The following HS6ST2 variants were observed in gnomAD, a reference collection of about 807,000 sequenced individuals.
HS6ST2 encodes heparan sulfate 6-O-sulfotransferase 2, also known as heparan-sulfate 6-O-sulfotransferase 2.
A neutral mutation model predicts 33.0 loss-of-function variants in HS6ST2; 17 were observed. The ratio of observed to expected loss-of-function variants is 0.52; its 90% CI spans 0.35 to 0.77. The LOEUF is 0.77. Among genes scored for constraint, HS6ST2 ranks in the 30% least tolerant of loss-of-function variants. The pLI is 0.01. For missense variants in HS6ST2, 519 were observed against 551.7 expected (o/e 0.94, Z 0.59); for synonymous variants, 248 against 237.1 (o/e 1.05, Z -0.42).
chrX:132,960,643 A>C (rs952131011), upstream of HS6ST2, among the ~76,000 whole-genome samples: 5 of 111,376 alleles, frequency 4.5e-5, no homozygotes, highest in Non-Finnish European at 9.4e-5. Context: ...ACACACTCAC[A>C]GTCCAACCTT....
At chrX:132,892,679 C>T (rs759280901) in intron 2 of HS6ST2, among the ~76,000 whole-genome samples, 1 of 111,355 alleles carries the variant, frequency 9.0e-6, no homozygotes, top group East Asian at 2.8e-4. Context: ...ATTAGTTGGG[C>T]GTGGGTGTGC....
chrX:132,739,286 T>C (rs912109010), intron 2 of HS6ST2, among the ~76,000 whole-genome samples: 1 of 111,261 alleles, frequency 9.0e-6, no homozygotes, highest in Non-Finnish European at 1.9e-5. Context: ...GGGATTTCAG[T>C]GGCATTGGTG....
At chrX:132,762,524 C>G (rs752274266) in intron 2 of HS6ST2, among the ~76,000 whole-genome samples, 2 of 112,069 alleles carry the variant, frequency 1.8e-5, no homozygotes, top group South Asian at 7.5e-4. Context: ...TTTACAATAA[C>G]CCTACATATC....
rs147243721 is a variant in HS6ST2, at chrX:132,732,150, G to A, written c.948-23656C>T. Among the ~76,000 whole-genome samples, 982 of 111,960 alleles carry A rather than the reference G, an allele frequency of 8.8e-3. 9 individuals are homozygous for A. The highest frequency in any genetic ancestry group is 0.03 in the African/African-American group (911 of 30,823). The stretch of plus-strand genomic sequence containing the variant: ...GTATAATTAAATATAGATGCTCTTG[G>A]AGCTTAATGTCAGTTTAAATTTTAG... On this transcript the variant is annotated intron_variant, in intron 2 of 4. Coordinates refer to ENST00000370833, the MANE Select transcript of HS6ST2 (RefSeq NM_001394073.1).
In HS6ST2 at chrX:132,911,213, T is replaced by C. The variant is rs141881652; in HGVS notation, c.947+45595A>G. 2.9e-3 allele frequency among the ~76,000 whole-genome samples: 321 copies of C among 109,740 alleles called. 2 individuals are homozygous for C. Among genetic ancestry groups the C allele is most frequent in the African/African-American group, 0.01 (301 of 30,043 alleles). On this transcript the variant is annotated intron_variant, in intron 2 of 4. Transcript: ENST00000370833. The stretch of plus-strand genomic sequence containing the variant: ...GTATTTTACCAGTAGCCTGGTCTCA[T>C]GGGCACATAAAAGACCATTCCTAAC...
At chrX:132,708,716 G>C (rs2064206547) in intron 2 of HS6ST2, 2 of 326,228 alleles carry the variant, frequency 6.1e-6, no homozygotes, top group African/African-American at 5.4e-5. Context: ...GCTGCACTGA[G>C]AGCCAGATCC....
chrX:132,912,844 C>A (rs1471245852), intron 2 of HS6ST2, among the ~76,000 whole-genome samples: 1 of 111,836 alleles, frequency 8.9e-6, no homozygotes, highest in Non-Finnish European at 1.9e-5. Flanking sequence ...CTAGATAAAT[C>A]CATGGACAAA....
At chrX:132,719,883 C>T (rs1165758761) in intron 2 of HS6ST2, among the ~76,000 whole-genome samples, 2 of 112,418 alleles carry the variant, frequency 1.8e-5, no homozygotes, top group Admixed American at 9.4e-5. Context: ...TTGTCAACTC[C>T]TTCGTAACCA....
intron 2 of HS6ST2, among the ~76,000 whole-genome samples, chrX:132,815,723 G>C (rs189123961): frequency 9.0e-6 from 1 of 111,618 alleles, no homozygotes; most frequent in East Asian, 2.8e-4. Context: ...ACGATGCTAT[G>C]ATAAGTACGC....
chrX:132,948,723 G>C (rs903685994), intron 2 of HS6ST2, among the ~76,000 whole-genome samples: 1 of 112,266 alleles, frequency 8.9e-6, no homozygotes, highest in African/African-American at 3.2e-5. Context: ...ATTTATCTAA[G>C]CTTACAAGGA....
chrX:132,699,138 C>A (rs1291955219), intron 3 of HS6ST2, among the ~76,000 whole-genome samples: 1 of 111,160 alleles, frequency 9.0e-6, no homozygotes, highest in Non-Finnish European at 1.9e-5. Context: ...GTACCCATTG[C>A]CAAGACATAA....
chrX:132,750,244 T>C (rs149628955), intron 2 of HS6ST2, among the ~76,000 whole-genome samples: 2,862 of 108,124 alleles, frequency 0.026, 64 homozygotes, highest in South Asian at 0.083. Context: ...CAGTGCCTGG[T>C]ACAACACCAT....
chrX:132,816,897 C>T (rs889089302), intron 2 of HS6ST2, among the ~76,000 whole-genome samples: 3 of 111,209 alleles, frequency 2.7e-5, no homozygotes, highest in African/African-American at 9.8e-5. Context: ...GGACTCAGGG[C>T]TCTAATTGGC....
In HS6ST2 at chrX:132,628,434, C is replaced by T; in HGVS notation, c.1727G>A (p.Gly576Asp). ...LQTHFQSQGQGQSQNPNQNQS... is the reference protein window; with the variant it reads ...LQTHFQSQGQDQSQNPNQNQS... Reference sequence around the variant, plus strand: ...ATTCTGATTCGGATTCTGGCTCTGGCCCTGACCCTGGCTCTGGAAATGGGT... The same window carrying T: ...ATTCTGATTCGGATTCTGGCTCTGGTCCTGACCCTGGCTCTGGAAATGGGT... Residue 576 changes from glycine (G) to aspartate (D), a missense_variant, in exon 5 of 5, where the codon GGC becomes GAC. Gly to Asp is a moderately conservative substitution (Grantham distance 94). Coordinates refer to ENST00000370833, the MANE Select transcript of HS6ST2 (RefSeq NM_001394073.1). The T allele has an allele frequency of 8.3e-7, 1 of 1,208,747 alleles. No homozygotes were observed. Among genetic ancestry groups the T allele is most frequent in the Non-Finnish European group, 1.1e-6 (1 of 893,485 alleles).
chrX:132,751,032 T>C (rs1475373600), intron 2 of HS6ST2, among the ~76,000 whole-genome samples: 1 of 112,184 alleles, frequency 8.9e-6, no homozygotes, highest in Non-Finnish European at 1.9e-5. Context: ...AGGCAAATCA[T>C]AGACACATGT....
chrX:132,947,203 TTA>T (rs1030853365), intron 2 of HS6ST2, among the ~76,000 whole-genome samples: 178 of 109,343 alleles, frequency 1.6e-3, no homozygotes, highest in African/African-American at 4.1e-3. Context: ...GGTGCAGATT[TTA>T]TATATATATA....
At chrX:132,673,537 T>C (rs1254053091) in intron 3 of HS6ST2, among the ~76,000 whole-genome samples, 1 of 112,607 alleles carries the variant, frequency 8.9e-6, no homozygotes, top group Non-Finnish European at 1.9e-5. Context: ...GTTGCATTTG[T>C]ATAGTCCTTA....
At position 132,857,530 on chromosome X, in the gene HS6ST2, A is replaced by AT. The variant is rs201246499; in HGVS notation, c.947+99277dup. ...AGAAAAGAAAAAGTACATCCTTGTTATTTTCCTTACAGTACTGGATATTAG... is the reference window on the plus strand; with the variant it reads ...AGAAAAGAAAAAGTACATCCTTGTTATTTTTCCTTACAGTACTGGATATTAG... On this transcript the variant is annotated intron_variant, in intron 2 of 4. Transcript: ENST00000370833. Among the ~76,000 whole-genome samples the AT allele has an allele frequency of 5.0e-3, 555 of 111,330 alleles. 2 individuals carry two copies. Among genetic ancestry groups the AT allele is most frequent in the African/African-American group, 0.017 (527 of 30,716 alleles).
chrX:132,761,554 C>T (rs1453626068), intron 2 of HS6ST2, among the ~76,000 whole-genome samples: 2 of 112,327 alleles, frequency 1.8e-5, no homozygotes, highest in Admixed American at 9.4e-5. Context: ...CTCTCGCCAG[C>T]GTCTCTACTT....
Sources: gnomAD v4.1 joint callset for allele counts (sites outside exome capture counted in the v4.1 genomes callset) on GRCh38, gnomAD v4.1.1 for gene constraint, MANE v1.5 for transcripts, NCBI Gene and HGNC (gene_info 2026-07-23, HGNC 2026-07-21) for gene names.